CSGALNACT1: variants seen among roughly 807,000 people sequenced by gnomAD.
CSGALNACT1 encodes the protein beta4GalNAcT-1.
A neutral mutation model predicts 51.0 loss-of-function variants in CSGALNACT1; 52 were observed. The ratio of observed to expected loss-of-function variants is 1.02; its 90% CI spans 0.82 to 1.29. The LOEUF (loss-of-function observed/expected upper bound fraction) is 1.29. Ranked by LOEUF, CSGALNACT1 falls within the 50% of genes most tolerant of loss-of-function variation. The pLI, the probability that CSGALNACT1 is intolerant of heterozygous loss-of-function variation, is 0.00. For missense variants in CSGALNACT1, 935 were observed against 679.2 expected (o/e 1.38, Z -4.19); for synonymous variants, 341 against 254.4 (o/e 1.34, Z -3.24).
intron 3 of CSGALNACT1, among the ~76,000 whole-genome samples, chr8:19,531,432 C>T (rs1365331061): frequency 6.6e-6 from 1 of 152,198 alleles, no homozygotes; most frequent in African/African-American, 2.4e-5. Flanking sequence ...TCAGTCCTAG[C>T]TGGAGCCACA....
chr8:19,739,498 C>A (rs894330570), intron 1 of CSGALNACT1, among the ~76,000 whole-genome samples: 1 of 152,146 alleles, frequency 6.6e-6, no homozygotes, highest in African/African-American at 2.4e-5. Flanking sequence ...ACTATATCCC[C>A]TTCCTCTTCA....
chr8:19,419,005 C>T lies in CSGALNACT1; in HGVS notation c.1133-255G>A, dbSNP rs375541758. 2.8e-4 allele frequency among the ~76,000 whole-genome samples: 43 copies of T among 152,106 alleles called. 1 individual carries two copies. The highest frequency in any genetic ancestry group is 1.7e-3 in the Admixed American group (26 of 15,276). On this transcript the variant is annotated intron_variant, in intron 7 of 9. Transcript: ENST00000454498. The stretch of plus-strand genomic sequence containing the variant: ...GAGATTACAGGTGCCCGCCACCACA[C>T]CCGGCCAATTTTTTTATTTTAGTAG...
chr8:19,437,755 C>T (rs138870892), intron 6 of CSGALNACT1, among the ~76,000 whole-genome samples: 35 of 152,232 alleles, frequency 2.3e-4, no homozygotes, highest in East Asian at 7.7e-4. Context: ...GTTTACATAG[C>T]GTTACTTTAA....
At chr8:19,438,727 C>T (rs1028258172) in intron 6 of CSGALNACT1, among the ~76,000 whole-genome samples, 1 of 152,174 alleles carries the variant, frequency 6.6e-6, no homozygotes, top group Non-Finnish European at 1.5e-5. Flanking sequence ...TCCAGTAAAA[C>T]TTTATTTACA....
At chr8:19,439,727 A>G (rs2060995480) in intron 6 of CSGALNACT1, 103 bp downstream of exon 5, 1 of 885,356 alleles carries the variant, frequency 1.1e-6, no homozygotes, top group Admixed American at 2.0e-5. Context: ...CAGTTCACCC[A>G]CAGTGTAAAG....
At chr8:19,699,307 A>G (rs1000140264) in intron 1 of CSGALNACT1, among the ~76,000 whole-genome samples, 1 of 152,270 alleles carries the variant, frequency 6.6e-6, no homozygotes, top group African/African-American at 2.4e-5. Context: ...AAAAGAATTG[A>G]AAGCAGGATC....
intron 1 of CSGALNACT1, among the ~76,000 whole-genome samples, chr8:19,680,559 G>A (rs1265909712): frequency 6.2e-4 from 5 of 8,114 alleles, no homozygotes; most frequent in Admixed American, 3.5e-3. Flanking sequence ...CTGCACCCTC[G>A]CCCCACCCCC....
At chr8:19,561,104 G>C (rs2154097146) in intron 3 of CSGALNACT1, among the ~76,000 whole-genome samples, 1 of 152,280 alleles carries the variant, frequency 6.6e-6, no homozygotes, top group East Asian at 1.9e-4. Flanking sequence ...TATCAAAAGA[G>C]TGGTGAGATT....
intron 5 of CSGALNACT1, among the ~76,000 whole-genome samples, chr8:19,455,649 A>AC: frequency 6.6e-6 from 1 of 152,282 alleles, no homozygotes; most frequent in Non-Finnish European, 1.5e-5. Context: ...ACAGGTATTT[A>AC]CCCTCTCGCA....
rs2077083055 is a variant in CSGALNACT1 at position 19,505,237 on chromosome 8, T to TGG, written c.596_597dup (p.Asn200ProfsTer12). Reference sequence around the variant, plus strand: ...TCAGAGGCCGTGTAAGGACGGTGATTGGGGCTGTTCTCTGCAGGACTGTTC... The same window carrying TGG: ...TCAGAGGCCGTGTAAGGACGGTGATTGGGGGGCTGTTCTCTGCAGGACTGTTC... On this transcript the variant is annotated frameshift_variant, in exon 4 of 10. Transcript: ENST00000454498. LOFTEE classifies it high-confidence loss of function. The TGG allele has an allele frequency of 6.2e-7, 1 of 1,614,090 alleles. No homozygotes were observed. The highest frequency in any genetic ancestry group is 1.7e-5 in the Admixed American group (1 of 60,020).
chr8:19,455,900 G>A (rs934170579), intron 5 of CSGALNACT1, among the ~76,000 whole-genome samples: 4 of 152,194 alleles, frequency 2.6e-5, no homozygotes, highest in Non-Finnish European at 5.9e-5. Context: ...AGCATGTCTA[G>A]CACATGCAAA....
At chr8:19,540,189 T>C (rs538638897) in intron 3 of CSGALNACT1, among the ~76,000 whole-genome samples, 2 of 152,328 alleles carry the variant, frequency 1.3e-5, no homozygotes, top group East Asian at 3.9e-4. Context: ...TTTCCTTGCT[T>C]CCAAAATAGT....
chr8:19,616,158 C>T (rs190763997), intron 1 of CSGALNACT1, among the ~76,000 whole-genome samples: 164 of 152,226 alleles, frequency 1.1e-3, no homozygotes, highest in Non-Finnish European at 2.0e-3. Flanking sequence ...TATAGTAGGA[C>T]CTCAATTTAT....
At chr8:19,465,472 C>T (rs1457542321) in intron 4 of CSGALNACT1, among the ~76,000 whole-genome samples, 1 of 152,112 alleles carries the variant, frequency 6.6e-6, no homozygotes, top group Non-Finnish European at 1.5e-5. Context: ...CTGAACTGTC[C>T]ACTAAAAAAT....
intron 3 of CSGALNACT1, among the ~76,000 whole-genome samples, chr8:19,512,884 A>T (rs1452482251): frequency 6.6e-6 from 1 of 152,224 alleles, no homozygotes; most frequent in Non-Finnish European, 1.5e-5. Context: ...AACCAGAGTC[A>T]ACAATGGTGT....
chr8:19,404,502 C>T (rs898890790), exon 10 of CSGALNACT1: 3 of 453,560 alleles, frequency 6.6e-6, no homozygotes, highest in African/African-American at 6.0e-5. Flanking sequence ...AGTAGAACTG[C>T]TTAATTTAAA....
intron 1 of CSGALNACT1, among the ~76,000 whole-genome samples, chr8:19,742,146 G>A (rs954973776): frequency 6.6e-6 from 1 of 152,140 alleles, no homozygotes; most frequent in East Asian, 1.9e-4. Flanking sequence ...CTGAGACAGC[G>A]CTTGGCACAC....
intron 3 of CSGALNACT1, among the ~76,000 whole-genome samples, chr8:19,521,542 G>A (rs2080706358): frequency 6.6e-6 from 1 of 152,140 alleles, no homozygotes; most frequent in Admixed American, 6.5e-5. Context: ...AATTATCCAA[G>A]CTTGGTGGTG....
intron 1 of CSGALNACT1, among the ~76,000 whole-genome samples, chr8:19,681,426 C>T (rs2060610649): frequency 6.6e-6 from 1 of 152,110 alleles, no homozygotes; most frequent in South Asian, 2.1e-4. Context: ...CTGGCTCCTC[C>T]ATCACAGCAG....
Sources: allele counts gnomAD v4.1 joint callset (sites outside exome capture counted in the v4.1 genomes callset), GRCh38; gene constraint gnomAD v4.1.1; transcripts MANE v1.5; gene names NCBI Gene and HGNC (gene_info 2026-07-23, HGNC 2026-07-21).